Variants in DDB2 observed in about 807,000 individuals in gnomAD.
The protein encoded by DDB2 is DNA damage-binding protein 2.
In DDB2, 27 loss-of-function variants were observed where a neutral mutation model predicts 50.5. The observed-to-expected ratio is 0.53, with a 90% CI of 0.39 to 0.74. DDB2 has a LOEUF of 0.74. DDB2 is among the 30% of genes least tolerant of loss of function. The pLI, the probability that DDB2 is intolerant of heterozygous loss-of-function variation, is 0.00. For synonymous variants in DDB2, 176 were observed against 205.5 expected (o/e 0.86, Z 1.23); for missense variants, 424 against 545.6 (o/e 0.78, Z 2.22).
chr11:47,220,008 C>G (rs1953459637), intron 3 of DDB2, among the ~76,000 whole-genome samples: 1 of 152,106 alleles, frequency 6.6e-6, no homozygotes, highest in African/African-American at 2.4e-5. Flanking sequence ...CCATGATGGT[C>G]TCGATCTCCT....
chr11:47,228,977 A>ATATATATCTATC (rs1554974380), intron 3 of DDB2, among the ~76,000 whole-genome samples: 1 of 124,660 alleles, frequency 8.0e-6, no homozygotes, highest in African/African-American at 2.9e-5. Context: ...AAAAAAAGAA[A>ATATATATCTATC]TATCTATCTA....
intron 6 of DDB2, 150 bp downstream of exon 6, chr11:47,235,084 G>A (rs2135512535): frequency 8.0e-7 from 1 of 1,254,102 alleles, no homozygotes; most frequent in Non-Finnish European, 1.1e-6. Flanking sequence ...GGCTGTGGCT[G>A]TCCCCATCAG....
chr11:47,225,879 G>A (rs1284749640), intron 3 of DDB2, among the ~76,000 whole-genome samples: 1 of 152,148 alleles, frequency 6.6e-6, no homozygotes, highest in African/African-American at 2.4e-5. Flanking sequence ...GTCTTTTTGT[G>A]ACAGGCTTAT....
chr11:47,218,895 A>T (rs1953441231), intron 3 of DDB2, among the ~76,000 whole-genome samples: 3 of 152,030 alleles, frequency 2.0e-5, no homozygotes, highest in South Asian at 2.1e-4. Flanking sequence ...CTTGAGTTTT[A>T]AAAAAAATTG....
intron 3 of DDB2, among the ~76,000 whole-genome samples, chr11:47,232,295 G>A (rs1284925780): frequency 1.3e-5 from 2 of 151,764 alleles, no homozygotes; most frequent in Non-Finnish European, 2.9e-5. Flanking sequence ...AGTGAGCCGA[G>A]GTCGTGACAG....
At chr11:47,214,771 TAA>T (rs781389544), upstream of DDB2, 7,527 of 296,936 alleles carry the variant, frequency 0.025, no homozygotes, top group South Asian at 0.039. Flanking sequence ...ACCCTGTTGC[TAA>T]AAAAAAAAAA....
In DDB2 at chr11:47,237,854, C is replaced by T; in HGVS notation, c.1041C>T (p.Arg347=). 6.2e-7 allele frequency: 1 copy of T among 1,614,190 alleles called. No individual in the cohort carries two copies. Among genetic ancestry groups the T allele is most frequent in the Non-Finnish European group, 8.5e-7 (1 of 1,180,028 alleles). Residue 347 remains arginine, a synonymous_variant, in exon 8 of 10, where the codon CGC becomes CGT. Transcript: ENST00000256996. The part of the protein sequence containing the change: ...LTPIKAAWHP[R]YNLIVVGRYP... ...TCTCCTAGGCAGCCTGGCATCCTCG[C>T]TACAACCTCATTGTTGTGGGCCGAT...
Position 47,216,337 on chromosome 11 carries a change from T to C in DDB2, c.129T>C (p.Gly43=), listed in dbSNP as rs749763301. The change falls in exon 2 of 10, where the codon GGT becomes GGC. Residue 43 remains glycine (G), a splice_region_variant and synonymous_variant. Transcript: ENST00000256996. ...EAKKLCAKGS[G]PSRRCDSDCL... is the part of the protein sequence containing the mutation. ...AAATATGTCTGTTCTGCTTGGCAGGTCCTAGCAGAAGATGTGACTCAGACT... is the reference window on the plus strand; with the variant it reads ...AAATATGTCTGTTCTGCTTGGCAGGCCCTAGCAGAAGATGTGACTCAGACT... 2 of 1,614,050 alleles carry C rather than the reference T, an allele frequency of 1.2e-6. No homozygotes were observed.
At chr11:47,231,371 A>G (rs1423015704) in intron 3 of DDB2, among the ~76,000 whole-genome samples, 2 of 152,188 alleles carry the variant, frequency 1.3e-5, no homozygotes, top group African/African-American at 2.4e-5. Context: ...GGGCACATCC[A>G]TGTAATGGAA....
rs1953668281 is a variant in DDB2, at chr11:47,232,812, A to C, written c.457-2A>C. The C allele has an allele frequency of 6.2e-7, 1 of 1,613,454 alleles. No homozygotes were observed. The highest frequency in any genetic ancestry group is 8.5e-7 in the Non-Finnish European group (1 of 1,179,978). ...CACTGGCTTTTTCCTTCCTCGTGTTAGATTGGAGCTGGAGGGAGCATCACT... is the reference window on the plus strand; with the variant it reads ...CACTGGCTTTTTCCTTCCTCGTGTTCGATTGGAGCTGGAGGGAGCATCACT... On this transcript the variant is annotated splice_acceptor_variant, in intron 3 of 9. Transcript: ENST00000256996. LOFTEE classifies it high-confidence loss of function.
At chr11:47,216,188 G>A (rs752780570) in intron 1 of DDB2, 148 bp from the exon 2 acceptor site, 10 of 1,191,434 alleles carry the variant, frequency 8.4e-6, no homozygotes, top group Middle Eastern at 1.9e-4. Context: ...TCTGGTGCTC[G>A]TTGAGACCAC....
chr11:47,215,366 G>A lies in DDB2; in HGVS notation c.127+103G>A, dbSNP rs547761303. 2.5e-6 allele frequency: 4 copies of A among 1,579,610 alleles called. No individual in the cohort carries two copies. In the Admixed American group the frequency reaches 6.7e-5, roughly 26 times the overall value. On this transcript the variant is annotated intron_variant, in intron 1 of 9. Coordinates refer to ENST00000256996, the MANE Select transcript of DDB2 (RefSeq NM_000107.3). ...CTCCGAGGCTCCCGAGGCCCGCGCA[G>A]GTCACGGGTGCCTCCGGCTGTGCAT...
intron 3 of DDB2, among the ~76,000 whole-genome samples, chr11:47,223,610 C>T (rs1383883249): frequency 2.0e-5 from 3 of 152,004 alleles, no homozygotes; most frequent in African/African-American, 7.2e-5. Flanking sequence ...GAAACCCTGT[C>T]TGTTCTAAAA....
At chr11:47,223,708 G>C (rs1953518661) in intron 3 of DDB2, among the ~76,000 whole-genome samples, 1 of 152,184 alleles carries the variant, frequency 6.6e-6, no homozygotes, top group Non-Finnish European at 1.5e-5. Context: ...TGTGAACCCA[G>C]GAGGCAGAGC....
chr11:47,232,799 C>T lies in DDB2; in HGVS notation c.457-15C>T, dbSNP rs781686709. 1.2e-6 allele frequency: 2 copies of T among 1,613,012 alleles called. No individual in the cohort carries two copies. Among genetic ancestry groups the T allele is most frequent in the East Asian group, 4.5e-5 (2 of 44,880 alleles). On this transcript the variant is annotated splice_polypyrimidine_tract_variant and intron_variant, in intron 3 of 9. Coordinates refer to ENST00000256996, the MANE Select transcript of DDB2 (RefSeq NM_000107.3). ...GCCCATCATCACTCACTGGCTTTTT[C>T]CTTCCTCGTGTTAGATTGGAGCTGG... is the stretch of plus-strand genomic sequence containing the variant.
At chr11:47,214,837 G>T (rs1953375613), upstream of DDB2, 1 of 469,254 alleles carries the variant, frequency 2.1e-6, no homozygotes, top group South Asian at 2.1e-5. Flanking sequence ...GCTGACCCGG[G>T]CTGGCACTGG....
At position 47,234,811 on chromosome 11, in the gene DDB2, T is replaced by A; in HGVS notation, c.757T>A (p.Cys253Ser). ...AGTGACGCATGTGGCCCTGAACCCA[T>A]GCTGTGATTGGTTCCTGGCCACAGC... ...KKVTHVALNP[C>S]CDWFLATASV... The change falls in exon 6 of 10, where the codon TGC becomes AGC. Residue 253 changes from cysteine to serine, a missense_variant. Coordinates refer to ENST00000256996, the MANE Select transcript of DDB2 (RefSeq NM_000107.3). 6.2e-7 allele frequency: 1 copy of A among 1,614,212 alleles called. No homozygotes were observed. The highest frequency in any genetic ancestry group is 8.5e-7 in the Non-Finnish European group (1 of 1,180,036).
intron 3 of DDB2, among the ~76,000 whole-genome samples, chr11:47,218,310 T>C (rs906986506): frequency 1.3e-5 from 2 of 152,220 alleles, no homozygotes; most frequent in Non-Finnish European, 2.9e-5. Flanking sequence ...AAGTTTGGCC[T>C]AGAGTAGCTG....
chr11:47,215,877 G>T, intron 1 of DDB2: 1 of 292,688 alleles, frequency 3.4e-6, no homozygotes, highest in Non-Finnish European at 6.6e-6. Context: ...CTCCCCAGAA[G>T]TAACCTAGTT....
Sources: gnomAD v4.1 joint callset for allele counts (sites outside exome capture counted in the v4.1 genomes callset) on GRCh38, gnomAD v4.1.1 for gene constraint, MANE v1.5 for transcripts, NCBI Gene and HGNC (gene_info 2026-07-23, HGNC 2026-07-21) for gene names.